The following DAPK3 variants were observed in gnomAD, a reference collection of about 807,000 sequenced individuals.
DAPK3 encodes death-associated protein kinase 3.
In DAPK3, 24 loss-of-function variants were observed where a neutral mutation model predicts 30.6. That is an observed-to-expected ratio of 0.78 (90% CI 0.57 to 1.10). DAPK3 has a LOEUF of 1.10. DAPK3 is among the 50% of genes least tolerant of loss of function. The pLI is 0.00. For missense variants in DAPK3, 629 were observed against 657.3 expected, an observed-to-expected ratio of 0.96 and a Z score of 0.47; for synonymous variants, 341 against 284.0, an observed-to-expected ratio of 1.20 and a Z score of -2.02.
Position 3,963,641 on chromosome 19 carries a change from A to C in DAPK3, c.629+2T>G. Reference sequence around the variant, plus strand: ...CCGAGGGGGCCCCCGCCAGGTACTCACAGGATATAGGTGATGACACCGATG... The same window carrying C: ...CCGAGGGGGCCCCCGCCAGGTACTCCCAGGATATAGGTGATGACACCGATG... On this transcript the variant is annotated splice_donor_variant, in intron 6 of 8. Transcript: ENST00000545797. LOFTEE classifies it high-confidence loss of function. The C allele has an allele frequency of 6.6e-7, 1 of 1,523,692 alleles. No homozygotes were observed. Among genetic ancestry groups the C allele is most frequent in the Non-Finnish European group, 8.8e-7 (1 of 1,138,884 alleles). The allele number at this position is 1,523,692 out of a possible 1,614,324, so 94.4% of individuals were successfully genotyped here.
chr19:3,959,750 C>T (rs998922440), intron 8 of DAPK3, 113 bp from the exon 9 acceptor site: 4 of 1,239,286 alleles, frequency 3.2e-6, no homozygotes, highest in Non-Finnish European at 4.4e-6. Flanking sequence ...AGAGTCAACG[C>T]CTCGTGACGG....
chr19:3,964,432 G>A (rs1182318076), intron 3 of DAPK3, 59 bp from the exon 4 acceptor site: 107 of 923,990 alleles, frequency 1.2e-4, no homozygotes, highest in South Asian at 3.5e-4. Context: ...TCACCCCCAC[G>A]CTCCCCAAAC....
rs2039480455 is a variant in DAPK3, at chr19:3,959,543, TTGA to T, written c.920_922del (p.Ile307del). The T allele has an allele frequency of 6.3e-7, 1 of 1,579,018 alleles. No individual in the cohort carries two copies. The highest frequency in any genetic ancestry group is 1.3e-5 in the African/African-American group (1 of 74,760). ...GTTGGGCGGCAAGCTGGAGTGCGAC[TTGA>T]TGGTGTACTCCTTCAGACGCGTGGT... On this transcript the variant is annotated inframe_deletion, in exon 9 of 9. Transcript: ENST00000545797.
At position 3,964,817 on chromosome 19, in the gene DAPK3, C is replaced by T. The variant is rs780245426; in HGVS notation, c.237G>A (p.Leu79=). 2.1e-5 allele frequency: 34 copies of T among 1,612,834 alleles called. No individual in the cohort carries two copies. Among genetic ancestry groups the T allele is most frequent in the East Asian group, 1.1e-4 (5 of 44,836 alleles). ...REIRHPNIIT[L]HDIFENKTDV... ...CCGTCTTGTTCTCGAAGATGTCGTG[C>T]AGGGTGATGATGTTGGGGTGCCGGA... is the stretch of plus-strand genomic sequence containing the variant. The change falls in exon 3 of 9, where the codon CTG becomes CTA. Residue 79 remains leucine, a synonymous_variant. Transcript: ENST00000545797.
At position 3,959,033 on chromosome 19, in the gene DAPK3, T is replaced by C. The variant is rs770732565; in HGVS notation, c.*68A>G. 9.1e-5 allele frequency: 95 copies of C among 1,042,028 alleles called. No homozygotes were observed. Among genetic ancestry groups the C allele is most frequent in the Non-Finnish European group, 1.2e-4 (87 of 744,908 alleles). 64.5% of individuals were successfully genotyped at this position (1,042,028 alleles called of 1,614,324 possible). On this transcript the variant is annotated 3_prime_UTR_variant, in exon 9 of 9. Coordinates refer to ENST00000545797, the MANE Select transcript of DAPK3 (RefSeq NM_001348.3). ...CACCCGGGCGATGGGAGGCGCAGCGTCCACAGGAAGCGCCCCCACCGCAGG... is the reference window on the plus strand; with the variant it reads ...CACCCGGGCGATGGGAGGCGCAGCGCCCACAGGAAGCGCCCCCACCGCAGG...
intron 2 of DAPK3, among the ~76,000 whole-genome samples, chr19:3,966,149 A>G (rs1464418705): frequency 1.3e-5 from 2 of 152,184 alleles, no homozygotes; most frequent in African/African-American, 4.8e-5. Context: ...TCATGCAGTC[A>G]GTCAGTGGCG....
chr19:3,967,135 T>TA (rs889809110), intron 2 of DAPK3, among the ~76,000 whole-genome samples: 17 of 152,110 alleles, frequency 1.1e-4, no homozygotes, highest in African/African-American at 3.6e-4. Flanking sequence ...TTTCTACTGA[T>TA]AGAGTTCATG....
intron 4 of DAPK3, 35 bp from the exon 5 acceptor site, chr19:3,963,954 G>C (rs1012317368): frequency 7.0e-7 from 1 of 1,438,588 alleles, no homozygotes; most frequent in African/African-American, 1.4e-5. Context: ...AGGCACTGGG[G>C]ACATGCTGGC....
chr19:3,968,112 G>A (rs1013285979), intron 2 of DAPK3, among the ~76,000 whole-genome samples: 4 of 152,222 alleles, frequency 2.6e-5, no homozygotes, highest in African/African-American at 9.7e-5. Context: ...ACAGGCGGAA[G>A]CCGCCGCACC....
rs374221137 is a variant in DAPK3 at position 3,961,162 on chromosome 19, C to T, written c.630-1G>A. 3 of 1,611,346 alleles carry T rather than the reference C, an allele frequency of 1.9e-6. No individual in the cohort carries two copies. The highest frequency in any genetic ancestry group is 2.7e-5 in the African/African-American group (2 of 74,826). ...CAGGAACGGGGATGCACCGCTCAGG[C>T]TGCGAGACAGGCGTGGGGGCTCAGT... is the stretch of plus-strand genomic sequence containing the variant. On this transcript the variant is annotated splice_acceptor_variant, in intron 6 of 8. Transcript: ENST00000545797. LOFTEE classifies it high-confidence loss of function.
intron 8 of DAPK3, 121 bp from the exon 9 acceptor site, chr19:3,959,758 C>G (rs1282942083): frequency 1.7e-6 from 2 of 1,160,314 alleles, no homozygotes; most frequent in South Asian, 1.6e-5. Flanking sequence ...CGCCTCGTGA[C>G]GGAGACTGCC....
Position 3,961,043 on chromosome 19 carries a change from C to T in DAPK3, c.748G>A (p.Asp250Asn). The change falls in exon 7 of 9, where the codon GAC (aspartate) becomes AAC (asparagine). Residue 250 changes from aspartate to asparagine, a missense_variant. Coordinates refer to ENST00000545797, the MANE Select transcript of DAPK3 (RefSeq NM_001348.3). ...YFSNTSELAK[D>N]FIRRLLVKDP... ...TTGACGAGCAGCCGGCGAATGAAGT[C>T]CTTGGCCAGCTCGCTGGTGTTGCTG... 1 of 1,613,800 alleles carries T rather than the reference C, an allele frequency of 6.2e-7. No individual in the cohort carries two copies. Among genetic ancestry groups the T allele is most frequent in the Non-Finnish European group, 8.5e-7 (1 of 1,179,958 alleles).
At chr19:3,959,835 C>A (rs1272794528) in intron 8 of DAPK3, 198 bp from the exon 9 acceptor site, 7 of 675,122 alleles carry the variant, frequency 1.0e-5, no homozygotes, top group African/African-American at 3.6e-5. Context: ...CAGGAGTCAG[C>A]CCCGTTGGAC....
rs1208143546 is a variant in DAPK3, at chr19:3,970,986, C to T, written c.-160G>A. ...CCCCGAAGCGCCGCTCTGGCCCCACCCAGCCCTCCAGCCTCGGCCCGAGCC... is the reference window on the plus strand; with the variant it reads ...CCCCGAAGCGCCGCTCTGGCCCCACTCAGCCCTCCAGCCTCGGCCCGAGCC... On this transcript the variant is annotated 5_prime_UTR_variant, in exon 1 of 9. Coordinates refer to ENST00000545797, the MANE Select transcript of DAPK3 (RefSeq NM_001348.3). 2.0e-5 allele frequency: 3 copies of T among 153,200 alleles called. No homozygotes were observed. Among genetic ancestry groups the T allele is most frequent in the Admixed American group, 6.5e-5 (1 of 15,290 alleles). 9.5% of individuals were successfully genotyped at this position (153,200 alleles called of 1,614,324 possible).
chr19:3,970,280 T>C (rs2039620285), intron 1 of DAPK3, among the ~76,000 whole-genome samples: 1 of 152,116 alleles, frequency 6.6e-6, no homozygotes, highest in Admixed American at 6.5e-5. Context: ...TTGTTGTTTT[T>C]TGAGAAGGAG....
At chr19:3,964,455 C>T (rs1337890472) in intron 3 of DAPK3, 82 bp from the exon 4 acceptor site, 30 of 971,368 alleles carry the variant, frequency 3.1e-5, no homozygotes, top group Non-Finnish European at 3.9e-5. Flanking sequence ...CACCCTCACG[C>T]TCCCCGCAAC....
chr19:3,963,797 T>C, intron 5 of DAPK3, 74 bp downstream of exon 5: 2 of 1,253,430 alleles, frequency 1.6e-6, no homozygotes, highest in Non-Finnish European at 2.3e-6. Flanking sequence ...AGGCCCCGCT[T>C]CATCCCCAGC....
chr19:3,968,227 G>C (rs2039598711), intron 2 of DAPK3, among the ~76,000 whole-genome samples: 1 of 152,194 alleles, frequency 6.6e-6, no homozygotes, highest in African/African-American at 2.4e-5. Context: ...GGGTGCGGTG[G>C]CTCACGCCTG....
intron 7 of DAPK3, among the ~76,000 whole-genome samples, chr19:3,960,505 T>A (rs2039498121): frequency 6.6e-6 from 1 of 152,024 alleles, no homozygotes; most frequent in Admixed American, 6.6e-5. Context: ...AGACACGGTG[T>A]CTCACGCCCG....
Sources: allele counts gnomAD v4.1 joint callset (sites outside exome capture counted in the v4.1 genomes callset), GRCh38; gene constraint gnomAD v4.1.1; transcripts MANE v1.5; gene names NCBI Gene and HGNC (gene_info 2026-07-23, HGNC 2026-07-21).